Variants in KCNQ3 observed in about 807,000 individuals in gnomAD.
KCNQ3 encodes the protein potassium voltage-gated channel subfamily KQT member 3.
KCNQ3 carries 30 observed loss-of-function variants against 92.5 expected under a neutral mutation model. The ratio of observed to expected loss-of-function variants is 0.32; its 90% CI spans 0.24 to 0.44. The LOEUF is 0.44. KCNQ3 is among the 20% of genes least tolerant of loss of function. KCNQ3 has a pLI of 1.00. For missense variants in KCNQ3, 913 were observed against 1,140.3 expected (o/e 0.80, Z 2.87); for synonymous variants, 450 against 468.8 (o/e 0.96, Z 0.52).
At chr8:132,162,454 C>A (rs1826020165) in intron 9 of KCNQ3, among the ~76,000 whole-genome samples, 1 of 152,068 alleles carries the variant, frequency 6.6e-6, no homozygotes, top group South Asian at 2.1e-4. Flanking sequence ...CTCCAGGGAC[C>A]TTGGTTTCCA....
chr8:132,303,675 T>C (rs1563849895), intron 1 of KCNQ3, among the ~76,000 whole-genome samples: 2 of 30,760 alleles, frequency 6.5e-5, no homozygotes, highest in Admixed American at 4.7e-4. Flanking sequence ...TGTATATATA[T>C]ATACACACAC....
At chr8:132,469,404 G>A (rs889684516) in intron 1 of KCNQ3, among the ~76,000 whole-genome samples, 1 of 152,142 alleles carries the variant, frequency 6.6e-6, no homozygotes, top group African/African-American at 2.4e-5. Flanking sequence ...CCAATTATAT[G>A]CAGCAGGTAT....
chr8:132,132,226 A>G lies in KCNQ3; in HGVS notation c.1838T>C (p.Ile613Thr), dbSNP rs1488846886. Residue 613 changes from isoleucine to threonine, a missense_variant, in exon 14 of 15, where the codon ATC becomes ACC. Coordinates refer to ENST00000388996, the MANE Select transcript of KCNQ3 (RefSeq NM_004519.4). ...PYVARPSTSE[I>T]EDQSMMGKFV... ...CTTCCCCATCATGCTTTGGTCTTCG[A>G]TTTCTGATGTGGATGGTCTGGCTAC... 18 of 1,613,914 alleles carry G rather than the reference A, an allele frequency of 1.1e-5. No homozygotes were observed. The highest frequency in any genetic ancestry group is 1.5e-5 in the Non-Finnish European group (18 of 1,179,746).
chr8:132,434,309 C>T (rs1821336554), intron 1 of KCNQ3, among the ~76,000 whole-genome samples: 2 of 151,964 alleles, frequency 1.3e-5, no homozygotes, highest in African/African-American at 4.8e-5. Context: ...CCATCTCCTC[C>T]TCTGTTTTTC....
intron 1 of KCNQ3, among the ~76,000 whole-genome samples, chr8:132,302,845 G>C (rs965556821): frequency 1.3e-5 from 2 of 152,192 alleles, no homozygotes; most frequent in African/African-American, 4.8e-5. Context: ...GCCCACAGGT[G>C]ATTTGGATGT....
chr8:132,166,500 A>G (rs1317191664), intron 8 of KCNQ3, among the ~76,000 whole-genome samples: 1 of 152,172 alleles, frequency 6.6e-6, no homozygotes, highest in Non-Finnish European at 1.5e-5. Flanking sequence ...TCCACTGGTC[A>G]GCAGATCAGA....
rs574215907 is a variant in KCNQ3 at position 132,136,232 on chromosome 8, T to TTC, written c.1700+1651_1700+1652dup. Among the ~76,000 whole-genome samples the TTC allele has an allele frequency of 5.3e-5, 8 of 151,862 alleles. No individual in the cohort carries two copies. The East Asian group carries it at 1.5e-3, about 29-fold the overall frequency. On this transcript the variant is annotated intron_variant, in intron 12 of 14. Coordinates refer to ENST00000388996, the MANE Select transcript of KCNQ3 (RefSeq NM_004519.4). ...CAACCCAGTCAGTGTGATGTTCCTG[T>TTC]TCTCTAGCAGGACACTCCAGTGGGA... is the stretch of plus-strand genomic sequence containing the variant.
chr8:132,373,612 C>A (rs187687234), intron 1 of KCNQ3, among the ~76,000 whole-genome samples: 2 of 152,126 alleles, frequency 1.3e-5, no homozygotes, highest in Admixed American at 6.5e-5. Context: ...AGCTAACCAG[C>A]GTAAGAACAA....
intron 1 of KCNQ3, among the ~76,000 whole-genome samples, chr8:132,411,372 T>C (rs1820647113): frequency 6.6e-6 from 1 of 151,948 alleles, no homozygotes; most frequent in African/African-American, 2.4e-5. Flanking sequence ...GACACCGACA[T>C]GGGATTGGGG....
chr8:132,278,391 C>T (rs1649709063), intron 1 of KCNQ3, among the ~76,000 whole-genome samples: 1 of 152,202 alleles, frequency 6.6e-6, no homozygotes, highest in African/African-American at 2.4e-5. Context: ...ACCAGTGCTG[C>T]GTCGACACAT....
At chr8:132,412,435 T>C (rs1236788438) in intron 1 of KCNQ3, among the ~76,000 whole-genome samples, 5 of 152,162 alleles carry the variant, frequency 3.3e-5, no homozygotes, top group Admixed American at 2.0e-4. Context: ...GAGTGTACTG[T>C]TCTACCCCAA....
At chr8:132,406,665 C>T (rs1454861390) in intron 1 of KCNQ3, among the ~76,000 whole-genome samples, 1 of 152,118 alleles carries the variant, frequency 6.6e-6, no homozygotes, top group Non-Finnish European at 1.5e-5. Flanking sequence ...ACTAAACTAC[C>T]ATGCTTTCTC....
chr8:132,157,966 ATATTTC>A (rs1209397593), intron 9 of KCNQ3, among the ~76,000 whole-genome samples: 2 of 152,268 alleles, frequency 1.3e-5, no homozygotes, highest in Non-Finnish European at 2.9e-5. Context: ...ACTTCTAGGT[ATATTTC>A]TTAATTGGTT....
At chr8:132,407,970 C>T (rs1020517644) in intron 1 of KCNQ3, among the ~76,000 whole-genome samples, 1 of 152,134 alleles carries the variant, frequency 6.6e-6, no homozygotes, top group Admixed American at 6.6e-5. Flanking sequence ...TGCTGGCTGA[C>T]TGGCAAAGGT....
At chr8:132,215,688 G>A (rs1264685822) in intron 1 of KCNQ3, among the ~76,000 whole-genome samples, 1 of 152,186 alleles carries the variant, frequency 6.6e-6, no homozygotes, top group East Asian at 1.9e-4. Context: ...CTTTCTCTGT[G>A]GTCACCAGCA....
At chr8:132,414,401 C>T (rs555588844) in intron 1 of KCNQ3, among the ~76,000 whole-genome samples, 5 of 152,316 alleles carry the variant, frequency 3.3e-5, no homozygotes, top group South Asian at 4.2e-4. Context: ...CAGAGCAGCA[C>T]GTGGATCAGG....
At chr8:132,246,748 A>G (rs1586861497) in intron 1 of KCNQ3, among the ~76,000 whole-genome samples, 2 of 152,160 alleles carry the variant, frequency 1.3e-5, no homozygotes, top group African/African-American at 4.8e-5. Flanking sequence ...TTTCCTAACC[A>G]GCTCTACTGA....
At chr8:132,315,142 G>A (rs1009895181) in intron 1 of KCNQ3, among the ~76,000 whole-genome samples, 1 of 152,180 alleles carries the variant, frequency 6.6e-6, no homozygotes, top group Non-Finnish European at 1.5e-5. Flanking sequence ...AAGAGAAGTG[G>A]GAGAAATGAG....
chr8:132,390,742 G>GC (rs888624684), intron 1 of KCNQ3, among the ~76,000 whole-genome samples: 1 of 152,142 alleles, frequency 6.6e-6, no homozygotes, highest in Admixed American at 6.5e-5. Context: ...TCTAAGAATT[G>GC]CAAGTGCCAA....
Sources: allele counts gnomAD v4.1 joint callset (sites outside exome capture counted in the v4.1 genomes callset), GRCh38; gene constraint gnomAD v4.1.1; transcripts MANE v1.5; gene names NCBI Gene and HGNC (gene_info 2026-07-23, HGNC 2026-07-21).